PCDHA5: variants seen among roughly 807,000 people sequenced by gnomAD.
PCDHA5 encodes protocadherin alpha-5.
A neutral mutation model predicts 61.6 loss-of-function variants in PCDHA5; 43 were observed. That is an observed-to-expected ratio of 0.70 (90% confidence interval 0.55 to 0.90). PCDHA5 has a LOEUF of 0.90. Among genes scored for constraint, PCDHA5 ranks in the 40% least tolerant of loss-of-function variants. The pLI is 0.00. For synonymous variants in PCDHA5, 627 were observed against 543.9 expected (o/e 1.15, Z -2.13); for missense variants, 1,298 against 1,222.7 (o/e 1.06, Z -0.92).
intron 1 of PCDHA5, chr5:140,876,999 G>C: frequency 6.2e-7 from 1 of 1,612,546 alleles, no homozygotes; most frequent in Non-Finnish European, 8.5e-7. Flanking sequence ...GCTACGTGTC[G>C]GTGCACGCGG....
rs548886698 is a variant in PCDHA5 at position 140,887,948 on chromosome 5, T to A, written c.2352+63821T>A. 7.1e-4 allele frequency among the ~76,000 whole-genome samples: 108 copies of A among 152,348 alleles called. 2 individuals carry two copies. Among genetic ancestry groups the A allele is most frequent in the Admixed American group, 7.0e-3 (107 of 15,298 alleles). On this transcript the variant is annotated intron_variant, in intron 1 of 3. Transcript: ENST00000529859. ...AGACCATATTTATTTCTTATCTGTA[T>A]AAGATTCTTTTTGTCTCTTTTAAAA... is the stretch of plus-strand genomic sequence containing the variant.
At chr5:140,977,559 A>G (rs1383080307) in intron 1 of PCDHA5, among the ~76,000 whole-genome samples, 2 of 152,204 alleles carry the variant, frequency 1.3e-5, no homozygotes. Context: ...ATATCTTGCT[A>G]GCAGATTGGT....
chr5:140,923,189 C>T (rs1452451112), intron 1 of PCDHA5, among the ~76,000 whole-genome samples: 4 of 152,092 alleles, frequency 2.6e-5, no homozygotes, highest in Admixed American at 6.5e-5. Context: ...GCATCTACTG[C>T]AGCAATTTGG....
At chr5:140,906,942 A>G (rs2073059599) in intron 1 of PCDHA5, among the ~76,000 whole-genome samples, 1 of 152,146 alleles carries the variant, frequency 6.6e-6, no homozygotes, top group Admixed American at 6.5e-5. Context: ...TGTCAATCTT[A>G]ATTTCCAGTT....
intron 1 of PCDHA5, among the ~76,000 whole-genome samples, chr5:140,906,125 T>G (rs1168148239): frequency 6.6e-6 from 1 of 152,028 alleles, no homozygotes; most frequent in Non-Finnish European, 1.5e-5. Flanking sequence ...GACACAAATG[T>G]TAGTCTCCTT....
chr5:140,937,911 C>CAA lies in PCDHA5; in HGVS notation c.2353-41023_2353-41022dup, dbSNP rs200797202. On this transcript the variant is annotated intron_variant, in intron 1 of 3. Transcript: ENST00000529859. Reference sequence around the variant, plus strand: ...TGGGCGACAGAGTGAGACTCCGTCTCAAAAAAAAAAAAAAAAGTTTAATTT... The same window carrying CAA: ...TGGGCGACAGAGTGAGACTCCGTCTCAAAAAAAAAAAAAAAAAAGTTTAATTT... Among the ~76,000 whole-genome samples, 8 of 117,946 alleles carry CAA rather than the reference C, an allele frequency of 6.8e-5. No individual in the cohort carries two copies. In the East Asian group the frequency reaches 1.1e-3, roughly 17 times the overall value. The allele number at this position is 117,946 out of a possible 152,430, so 77.4% of individuals were successfully genotyped here.
intron 1 of PCDHA5, among the ~76,000 whole-genome samples, chr5:140,932,053 C>T (rs1358715698): frequency 6.6e-6 from 1 of 151,780 alleles, no homozygotes; most frequent in Non-Finnish European, 1.5e-5. Flanking sequence ...GCCTGTAATA[C>T]TAAAAATTAT....
chr5:140,974,618 T>C (rs781783540), intron 1 of PCDHA5, among the ~76,000 whole-genome samples: 1 of 152,086 alleles, frequency 6.6e-6, no homozygotes, highest in Non-Finnish European at 1.5e-5. Context: ...TTCAAGCGAT[T>C]CTCCTGCCTC....
At chr5:140,934,988 C>A (rs901740982) in intron 1 of PCDHA5, among the ~76,000 whole-genome samples, 5 of 152,154 alleles carry the variant, frequency 3.3e-5, no homozygotes, top group Non-Finnish European at 7.4e-5. Context: ...AGTGATAACA[C>A]CCTGAATCCT....
chr5:140,907,298 A>G (rs138771358), intron 1 of PCDHA5, among the ~76,000 whole-genome samples: 4 of 152,162 alleles, frequency 2.6e-5, no homozygotes, highest in Non-Finnish European at 4.4e-5. Flanking sequence ...CTGCTTCAGG[A>G]TGATGGGGAA....
intron 1 of PCDHA5, among the ~76,000 whole-genome samples, chr5:140,932,642 T>G (rs2088501803): frequency 6.6e-6 from 1 of 151,860 alleles, no homozygotes. Context: ...AACTTTAGAA[T>G]GATGAAACTA....
chr5:140,855,986 G>A (rs191873949), intron 1 of PCDHA5: 1 of 1,477,690 alleles, frequency 6.8e-7, no homozygotes, highest in Non-Finnish European at 9.1e-7. Context: ...GACAGAAAAT[G>A]TCAGATCGTA....
intron 1 of PCDHA5, chr5:140,843,208 C>A: frequency 6.3e-7 from 1 of 1,596,004 alleles, no homozygotes; most frequent in South Asian, 1.1e-5. Context: ...TGTACACGGG[C>A]GAGATCAGCA....
intron 1 of PCDHA5, chr5:140,968,976 A>G (rs1410286561): frequency 2.5e-6 from 4 of 1,614,074 alleles, no homozygotes; most frequent in African/African-American, 1.3e-5. Flanking sequence ...TACACTGCGT[A>G]TGGCACTGCA....
chr5:140,883,679 G>T (rs781987468), intron 1 of PCDHA5: 1 of 1,613,678 alleles, frequency 6.2e-7, no homozygotes, highest in Non-Finnish European at 8.5e-7. Flanking sequence ...CAATCCGCCG[G>T]GCTGCCACAT....
intron 1 of PCDHA5, among the ~76,000 whole-genome samples, chr5:140,917,832 C>T (rs1554198323): frequency 1.3e-5 from 2 of 151,488 alleles, no homozygotes; most frequent in Admixed American, 6.6e-5. Context: ...AGTGTGATGT[C>T]CTTCTTGTTC....
chr5:140,981,862 T>C (rs1160188291), intron 2 of PCDHA5, among the ~76,000 whole-genome samples: 1 of 152,212 alleles, frequency 6.6e-6, no homozygotes, highest in African/African-American at 2.4e-5. Flanking sequence ...CTCCCAGCAA[T>C]GTTTTATGCT....
intron 1 of PCDHA5, chr5:140,842,302 T>C: frequency 6.2e-7 from 1 of 1,609,920 alleles, no homozygotes; most frequent in Middle Eastern, 1.7e-4. Context: ...ACAAAGGCCA[T>C]CCTCCCATGG....
intron 1 of PCDHA5, chr5:140,929,724 TA>T (rs2086341478): frequency 4.6e-6 from 1 of 218,158 alleles, no homozygotes; most frequent in Admixed American, 5.9e-5. Flanking sequence ...GTGAAACATT[TA>T]CTTAAACTAT....
Sources: gnomAD v4.1 joint callset for allele counts (sites outside exome capture counted in the v4.1 genomes callset) on GRCh38, gnomAD v4.1.1 for gene constraint, MANE v1.5 for transcripts, NCBI Gene and HGNC (gene_info 2026-07-23, HGNC 2026-07-21) for gene names.